UNC5D: variants seen among roughly 807,000 people sequenced by gnomAD.
The protein encoded by UNC5D is netrin receptor UNC5D.
UNC5D carries 39 observed loss-of-function variants against 105.4 expected under a neutral mutation model. The ratio of observed to expected loss-of-function variants is 0.37; its 90% CI spans 0.29 to 0.48. The LOEUF (loss-of-function observed/expected upper bound fraction) is 0.48. UNC5D is among the 20% of genes least tolerant of loss of function. The pLI, the probability that UNC5D is intolerant of heterozygous loss-of-function variation, is 0.98. For missense variants in UNC5D, 991 were observed against 1,202.4 expected, an observed-to-expected ratio of 0.82 and a Z score of 2.60; for synonymous variants, 452 against 450.4, an observed-to-expected ratio of 1.00 and a Z score of -0.04.
intron 1 of UNC5D, among the ~76,000 whole-genome samples, chr8:35,486,380 C>G (rs1810824130): frequency 6.6e-6 from 1 of 152,104 alleles, no homozygotes; most frequent in African/African-American, 2.4e-5. Context: ...AAGTTCAATA[C>G]TAATACCGAT....
intron 1 of UNC5D, among the ~76,000 whole-genome samples, chr8:35,538,413 A>G (rs1375898990): frequency 3.8e-5 from 2 of 52,942 alleles, no homozygotes; most frequent in Non-Finnish European, 6.4e-5. Context: ...ATATATATAT[A>G]TATATATATA....
chr8:35,620,259 G>T (rs556953591), intron 4 of UNC5D, among the ~76,000 whole-genome samples: 13 of 152,296 alleles, frequency 8.5e-5, no homozygotes, highest in Non-Finnish European at 1.6e-4. Context: ...TCCCATTGGA[G>T]GCAGGTAGGA....
At chr8:35,621,622 C>A (rs1173540291) in intron 4 of UNC5D, among the ~76,000 whole-genome samples, 2 of 152,076 alleles carry the variant, frequency 1.3e-5, no homozygotes, top group East Asian at 3.9e-4. Flanking sequence ...TACACTCTGC[C>A]ATTGGCTTCT....
intron 1 of UNC5D, among the ~76,000 whole-genome samples, chr8:35,299,071 G>T (rs1390153507): frequency 1.3e-5 from 2 of 152,184 alleles, no homozygotes; most frequent in African/African-American, 2.4e-5. Context: ...ACCATGGTGG[G>T]TTCAGTGCAG....
intron 1 of UNC5D, among the ~76,000 whole-genome samples, chr8:35,524,586 C>CAT (rs1482592579): frequency 1.9e-4 from 20 of 103,460 alleles, no homozygotes; most frequent in Non-Finnish European, 3.0e-4. Flanking sequence ...TATATATTTT[C>CAT]ATATATATAT....
chr8:35,637,770 A>G (rs1045503958), intron 4 of UNC5D, among the ~76,000 whole-genome samples: 1 of 152,222 alleles, frequency 6.6e-6, no homozygotes, highest in Non-Finnish European at 1.5e-5. Context: ...GGGGTGCTCC[A>G]TTTCCAAAGA....
chr8:35,377,713 T>C (rs774423329), intron 1 of UNC5D, among the ~76,000 whole-genome samples: 1 of 152,180 alleles, frequency 6.6e-6, no homozygotes, highest in South Asian at 2.1e-4. Flanking sequence ...AAGACATTCG[T>C]ATCTGTGGGT....
intron 11 of UNC5D, among the ~76,000 whole-genome samples, chr8:35,742,083 A>G (rs1388170687): frequency 6.6e-6 from 1 of 152,134 alleles, no homozygotes; most frequent in Non-Finnish European, 1.5e-5. Flanking sequence ...CTTAAATCAC[A>G]CATAGCGATT....
intron 1 of UNC5D, among the ~76,000 whole-genome samples, chr8:35,511,056 C>T (rs1211202620): frequency 1.3e-5 from 2 of 152,122 alleles, no homozygotes; most frequent in Non-Finnish European, 2.9e-5. Flanking sequence ...AGATTTGCAT[C>T]TCTTAGGAAA....
chr8:35,364,204 ATTC>A (rs1403719023), intron 1 of UNC5D, among the ~76,000 whole-genome samples: 3 of 151,962 alleles, frequency 2.0e-5, no homozygotes, highest in East Asian at 1.9e-4. Context: ...AATTTTCATT[ATTC>A]TTTCTATATT....
At chr8:35,652,905 A>G (rs1297923129) in intron 4 of UNC5D, among the ~76,000 whole-genome samples, 1 of 128,410 alleles carries the variant, frequency 7.8e-6, no homozygotes, top group Non-Finnish European at 1.6e-5. Flanking sequence ...CATTTTCACT[A>G]CAAGTGAGGA....
chr8:35,413,641 T>C (rs982366742), intron 1 of UNC5D, among the ~76,000 whole-genome samples: 2 of 152,046 alleles, frequency 1.3e-5, no homozygotes, highest in Non-Finnish European at 2.9e-5. Flanking sequence ...AAAGGATCTC[T>C]CTACCCAGGG....
At chr8:35,676,034 C>A (rs16884222) in intron 4 of UNC5D, among the ~76,000 whole-genome samples, 2,167 of 152,102 alleles carry the variant, frequency 0.014, 47 homozygotes, top group African/African-American at 0.05. Flanking sequence ...TTCTATTCCC[C>A]TTCCAGTGGA....
At chr8:35,515,865 A>C (rs186210442) in intron 1 of UNC5D, among the ~76,000 whole-genome samples, 61 of 152,278 alleles carry the variant, frequency 4.0e-4, no homozygotes, top group African/African-American at 1.4e-3. Flanking sequence ...TTACCATGCC[A>C]TAATAAGACC....
At chr8:35,719,141 TACAC>T (rs57660135) in intron 8 of UNC5D, among the ~76,000 whole-genome samples, 2,426 of 133,142 alleles carry the variant, frequency 0.018, 37 homozygotes, top group Middle Eastern at 0.031. Flanking sequence ...CATGTGCTTA[TACAC>T]ACACACACAC....
At chr8:35,697,187 CAT>C (rs776195201) in intron 7 of UNC5D, among the ~76,000 whole-genome samples, 10 of 151,702 alleles carry the variant, frequency 6.6e-5, no homozygotes, top group Non-Finnish European at 1.2e-4. Context: ...AATAGATACA[CAT>C]ATATATACAT....
At chr8:35,601,888 G>A (rs1380119152) in intron 4 of UNC5D, among the ~76,000 whole-genome samples, 3 of 152,154 alleles carry the variant, frequency 2.0e-5, no homozygotes, top group Non-Finnish European at 2.9e-5. Flanking sequence ...ATTTCAAAGG[G>A]AATGCTTCCA....
At chr8:35,588,319 G>C (rs1005765121) in intron 3 of UNC5D, among the ~76,000 whole-genome samples, 1 of 152,088 alleles carries the variant, frequency 6.6e-6, no homozygotes, top group East Asian at 1.9e-4. Flanking sequence ...CAAGAAAAAA[G>C]TGAGAGAGCA....
At chr8:35,681,155 GA>G (rs1825636520) in intron 4 of UNC5D, among the ~76,000 whole-genome samples, 1 of 152,192 alleles carries the variant, frequency 6.6e-6, no homozygotes, top group Admixed American at 6.5e-5. Flanking sequence ...AGTTAGTTAA[GA>G]AGCCACTGCA....
Sources: gnomAD v4.1 joint callset for allele counts (sites outside exome capture counted in the v4.1 genomes callset) on GRCh38, gnomAD v4.1.1 for gene constraint, MANE v1.5 for transcripts, NCBI Gene and HGNC (gene_info 2026-07-23, HGNC 2026-07-21) for gene names.